ZDHHC23: variants seen among roughly 807,000 people sequenced by gnomAD.
The protein encoded by ZDHHC23 is palmitoyltransferase ZDHHC23.
A neutral mutation model predicts 40.2 loss-of-function variants in ZDHHC23; 41 were observed. The ratio of observed to expected loss-of-function variants is 1.02; its 90% CI spans 0.79 to 1.32. ZDHHC23 has a LOEUF of 1.32. ZDHHC23 is among the 40% of genes most tolerant of loss of function. ZDHHC23 has a pLI of 0.00. For synonymous variants in ZDHHC23, 204 were observed against 210.2 expected, an observed-to-expected ratio of 0.97 and a Z score of 0.26; for missense variants, 471 against 541.5, an observed-to-expected ratio of 0.87 and a Z score of 1.29.
At position 113,960,454 on chromosome 3, in the gene ZDHHC23, G is replaced by C; in HGVS notation, c.*1824G>C. ...TTCTATACAGGTTTTACATAAGAGA[G>C]ACAGTAATAATGTCAAGGATAGCCT... On this transcript the variant is annotated 3_prime_UTR_variant, in exon 5 of 5. Coordinates refer to ENST00000638807, the MANE Select transcript of ZDHHC23 (RefSeq NM_001320466.2). 7.3e-7 allele frequency: 1 copy of C among 1,363,524 alleles called. No homozygotes were observed. Among genetic ancestry groups the C allele is most frequent in the Non-Finnish European group, 9.4e-7 (1 of 1,064,748 alleles). 84.5% of individuals were successfully genotyped at this position (1,363,524 alleles called of 1,614,324 possible).
downstream of ZDHHC23, among the ~76,000 whole-genome samples, chr3:113,969,273 G>A (rs865870736): frequency 5.3e-5 from 8 of 152,192 alleles, no homozygotes; most frequent in Non-Finnish European, 7.3e-5. Flanking sequence ...CAGACAGTTT[G>A]CAAATACTCT....
In ZDHHC23 at chr3:113,960,595, T is replaced by C; in HGVS notation, c.*1965T>C. Reference sequence around the variant, plus strand: ...ACATTAGTCAGTAATTTTAGCTTCTTGCCAAATTGTTCACAACATCTAAAT... The same window carrying C: ...ACATTAGTCAGTAATTTTAGCTTCTCGCCAAATTGTTCACAACATCTAAAT... On this transcript the variant is annotated 3_prime_UTR_variant, in exon 5 of 5. Transcript: ENST00000638807. 1 of 1,545,856 alleles carries C rather than the reference T, an allele frequency of 6.5e-7. No homozygotes were observed. Among genetic ancestry groups the C allele is most frequent in the Admixed American group, 2.2e-5 (1 of 45,732 alleles).
At position 113,960,628 on chromosome 3, in the gene ZDHHC23, G is replaced by C. The variant is rs1939614208; in HGVS notation, c.*1998G>C. On this transcript the variant is annotated 3_prime_UTR_variant, in exon 5 of 5. Transcript: ENST00000638807. ...TGTTCACAACATCTAAATGTAATGTGATGTGATGAAGATAAGTAGTACAAA... is the reference window on the plus strand; with the variant it reads ...TGTTCACAACATCTAAATGTAATGTCATGTGATGAAGATAAGTAGTACAAA... The C allele has an allele frequency of 6.3e-7, 1 of 1,583,448 alleles. No homozygotes were observed. The highest frequency in any genetic ancestry group is 8.5e-7 in the Non-Finnish European group (1 of 1,170,296).
Position 113,958,805 on chromosome 3 carries a change from A to T in ZDHHC23, c.*175A>T. ...TTTTTCTGACGCCACAACTTAAGAG[A>T]CTTTTATACTGAGGCAGTAAAAGTA... is the stretch of plus-strand genomic sequence containing the variant. On this transcript the variant is annotated 3_prime_UTR_variant, in exon 5 of 5. Coordinates refer to ENST00000638807, the MANE Select transcript of ZDHHC23 (RefSeq NM_001320466.2). The T allele has an allele frequency of 6.8e-7, 1 of 1,476,190 alleles. No homozygotes were observed. The allele number at this position is 1,476,190 out of a possible 1,614,324, so 91.4% of individuals were successfully genotyped here. A position where few individuals can be genotyped will look rare whatever the true frequency, so the allele number is the denominator to read the frequency against.
At position 113,960,975 on chromosome 3, in the gene ZDHHC23, T is replaced by C; in HGVS notation, c.*2345T>C. ...TGTTCTGTAGGCTCTGTGACATCTT[T>C]GGTTTATAGGATTTTGGAGCCTTTT... On this transcript the variant is annotated 3_prime_UTR_variant, in exon 5 of 5. Coordinates refer to ENST00000638807, the MANE Select transcript of ZDHHC23 (RefSeq NM_001320466.2). 1 of 483,948 alleles carries C rather than the reference T, an allele frequency of 2.1e-6. No homozygotes were observed. The highest frequency in any genetic ancestry group is 3.9e-5 in the Admixed American group (1 of 25,532). 30.0% of individuals were successfully genotyped at this position (483,948 alleles called of 1,614,324 possible).
At chr3:113,952,207 A>T (rs1938740920) in intron 2 of ZDHHC23, among the ~76,000 whole-genome samples, 1 of 151,232 alleles carries the variant, frequency 6.6e-6, no homozygotes, top group East Asian at 2.0e-4. Flanking sequence ...CACCCTGAAC[A>T]CTTTGCTTAG....
intron 1 of ZDHHC23, 22 bp from the exon 2 acceptor site, chr3:113,948,664 C>G: frequency 9.9e-7 from 1 of 1,008,346 alleles, no homozygotes; most frequent in Non-Finnish European, 1.4e-6. Flanking sequence ...CCCCCTCTCT[C>G]TTCTCATTTT....
intron 4 of ZDHHC23, chr3:113,957,642 T>C (rs1236602364): frequency 2.2e-6 from 1 of 464,100 alleles, no homozygotes; most frequent in East Asian, 6.4e-5. Context: ...TAATAGTCTT[T>C]GAGGTCCCTT....
Position 113,948,847 on chromosome 3 carries a change from C to T in ZDHHC23, c.45C>T (p.Thr15=). 1.9e-6 allele frequency: 3 copies of T among 1,614,112 alleles called. No homozygotes were observed. Among genetic ancestry groups the T allele is most frequent in the Non-Finnish European group, 2.5e-6 (3 of 1,180,008 alleles). Residue 15 remains threonine (T), a synonymous_variant, in exon 2 of 5, where the codon ACC becomes ACT. Coordinates refer to ENST00000638807, the MANE Select transcript of ZDHHC23 (RefSeq NM_001320466.2). ...GSMKPVKKKK[T]EEPELEPLCC... is the part of the protein sequence containing the mutation. ...TGAAGCCTGTGAAGAAAAAGAAAAC[C>T]GAAGAACCTGAATTGGAGCCCCTGT...
the ZDHHC23 span, among the ~76,000 whole-genome samples, chr3:113,971,720 GTTTT>G: frequency 6.6e-6 from 1 of 151,106 alleles, no homozygotes; most frequent in East Asian, 1.9e-4. Flanking sequence ...CTCCTCTTCA[GTTTT>G]TTTTTGAAGA....
chr3:113,958,314 C>T lies in ZDHHC23; in HGVS notation c.1041-49C>T, dbSNP rs778838497. 1.8e-5 allele frequency: 27 copies of T among 1,523,096 alleles called. No individual in the cohort carries two copies. In the South Asian group the frequency reaches 3.2e-4, roughly 18 times the overall value. The allele number at this position is 1,523,096 out of a possible 1,614,324, so 94.3% of individuals were successfully genotyped here. ...AAAACGTGAGAATGATGACAGTTTTCTGAATTTGACAAAAACGGCAGCCCT... is the reference window on the plus strand; with the variant it reads ...AAAACGTGAGAATGATGACAGTTTTTTGAATTTGACAAAAACGGCAGCCCT... On this transcript the variant is annotated intron_variant, in intron 4 of 4. Transcript: ENST00000638807.
At position 113,948,139 on chromosome 3, in the gene ZDHHC23, C is replaced by T. The variant is rs572961679; in HGVS notation, c.-169C>T. On this transcript the variant is annotated 5_prime_UTR_variant, in exon 1 of 5. Transcript: ENST00000638807. ...CGTCTGTGCCTCCGGGGAAGCCGAC[C>T]CATCTCCCCTCCGCCTCTTTGGCTG... is the stretch of plus-strand genomic sequence containing the variant. The T allele has an allele frequency of 5.9e-5, 9 of 152,252 alleles. No homozygotes were observed. The highest frequency in any genetic ancestry group is 2.2e-4 in the African/African-American group (9 of 41,440). The allele number at this position is 152,252 out of a possible 1,614,324, so 9.4% of individuals were successfully genotyped here.
chr3:113,960,119 T>C lies in ZDHHC23; in HGVS notation c.*1489T>C. The C allele has an allele frequency of 1.0e-6, 1 of 989,904 alleles. No homozygotes were observed. The highest frequency in any genetic ancestry group is 4.6e-5 in the South Asian group (1 of 21,736). The allele number at this position is 989,904 out of a possible 1,614,324, so 61.3% of individuals were successfully genotyped here. On this transcript the variant is annotated 3_prime_UTR_variant, in exon 5 of 5. Transcript: ENST00000638807. The stretch of plus-strand genomic sequence containing the variant: ...AAAATATTGCCAGCGTTTTCAGTCA[T>C]TCTGTGCATGCTGCTTTAAGCAAGA...
At chr3:113,957,597 A>C in intron 4 of ZDHHC23, 1 of 436,090 alleles carries the variant, frequency 2.3e-6, no homozygotes, top group Non-Finnish European at 4.6e-6. Context: ...CAGGCGATTC[A>C]CAGCACCTCA....
At position 113,960,617 on chromosome 3, in the gene ZDHHC23, AAATGT is replaced by A. The variant is rs1939614020; in HGVS notation, c.*1993_*1997del. Reference sequence around the variant, plus strand: ...TCTTGCCAAATTGTTCACAACATCTAAATGTAATGTGATGTGATGAAGATAAGTAG... The same window carrying A: ...TCTTGCCAAATTGTTCACAACATCTAAATGTGATGTGATGAAGATAAGTAG... On this transcript the variant is annotated 3_prime_UTR_variant, in exon 5 of 5. Transcript: ENST00000638807. 6.4e-7 allele frequency: 1 copy of A among 1,571,498 alleles called. No individual in the cohort carries two copies. The highest frequency in any genetic ancestry group is 1.2e-5 in the South Asian group (1 of 84,676).
At position 113,960,641 on chromosome 3, in the gene ZDHHC23, T is replaced by G; in HGVS notation, c.*2011T>G. 1.3e-6 allele frequency: 2 copies of G among 1,595,358 alleles called. No homozygotes were observed. The highest frequency in any genetic ancestry group is 1.4e-5 in the African/African-American group (1 of 73,546). On this transcript the variant is annotated 3_prime_UTR_variant, in exon 5 of 5. Transcript: ENST00000638807. The stretch of plus-strand genomic sequence containing the variant: ...TAAATGTAATGTGATGTGATGAAGA[T>G]AAGTAGTACAAAGAGACCAAAATAA...
chr3:113,959,117 G>A lies in ZDHHC23; in HGVS notation c.*487G>A. On this transcript the variant is annotated 3_prime_UTR_variant, in exon 5 of 5. Coordinates refer to ENST00000638807, the MANE Select transcript of ZDHHC23 (RefSeq NM_001320466.2). Reference sequence around the variant, plus strand: ...GAGGGTCACGTGAGGGAAGATGGATGTGGAAAGCACTAAAAAACAACTCAA... The same window carrying A: ...GAGGGTCACGTGAGGGAAGATGGATATGGAAAGCACTAAAAAACAACTCAA... 2 of 978,930 alleles carry A rather than the reference G, an allele frequency of 2.0e-6. No individual in the cohort carries two copies. The highest frequency in any genetic ancestry group is 1.3e-6 in the Non-Finnish European group (1 of 788,280). 60.6% of individuals were successfully genotyped at this position (978,930 alleles called of 1,614,324 possible).
At chr3:113,974,184 C>CT in the ZDHHC23 span, among the ~76,000 whole-genome samples, 2 of 151,936 alleles carry the variant, frequency 1.3e-5, no homozygotes, top group African/African-American at 4.8e-5. Flanking sequence ...TCTTTGTTAT[C>CT]TTGAAGATCA....
chr3:113,968,441 C>G (rs1266380250), downstream of ZDHHC23, among the ~76,000 whole-genome samples: 1 of 151,660 alleles, frequency 6.6e-6, no homozygotes, highest in African/African-American at 2.4e-5. Context: ...TGAGAAATGT[C>G]TATTTAGATC....
Sources: allele counts gnomAD v4.1 joint callset (sites outside exome capture counted in the v4.1 genomes callset), GRCh38; gene constraint gnomAD v4.1.1; transcripts MANE v1.5; gene names NCBI Gene and HGNC (gene_info 2026-07-23, HGNC 2026-07-21).